DNAH14: variants seen among roughly 807,000 people sequenced by gnomAD.
DNAH14 encodes the protein axonemal beta dynein heavy chain 14.
A neutral mutation model predicts 520.9 loss-of-function variants in DNAH14; 478 were observed. The observed-to-expected ratio is 0.92, with a 90% CI of 0.85 to 0.99. DNAH14 has a LOEUF of 0.99. Ranked by LOEUF, DNAH14 falls within the 50% of genes least tolerant of loss-of-function variation. The probability of loss-of-function intolerance (pLI) is 0.00; values close to 1 mark genes in which losing one functional copy is unlikely to be tolerated. For synonymous variants in DNAH14, 1,581 were observed against 1,757.2 expected, an observed-to-expected ratio of 0.90 and a Z score of 2.51; for missense variants, 4,831 against 5,234.5, an observed-to-expected ratio of 0.92 and a Z score of 2.38.
chr1:225,004,344 A>G (rs2064000160), intron 9 of DNAH14, among the ~76,000 whole-genome samples: 1 of 152,208 alleles, frequency 6.6e-6, no homozygotes. Flanking sequence ...TACTTGTAAA[A>G]CAGTCATGTT....
Position 225,374,807 on chromosome 1 carries a change from G to T in DNAH14, c.12438G>T (p.Lys4146Asn). The T allele has an allele frequency of 1.3e-6, 2 of 1,551,630 alleles. No individual in the cohort carries two copies. The highest frequency in any genetic ancestry group is 1.7e-6 in the Non-Finnish European group (2 of 1,146,972). ...YGGRVIDNWD[K>N]RCLKTLLYKF... ...GCCGGGTGATTGATAATTGGGACAAGCGATGCTTGAAGACCCTACTCTACA... is the reference window on the plus strand; with the variant it reads ...GCCGGGTGATTGATAATTGGGACAATCGATGCTTGAAGACCCTACTCTACA... Residue 4146 changes from lysine (K) to asparagine (N), a missense_variant, in exon 78 of 86, where the codon AAG (lysine) becomes AAT (asparagine). Transcript: ENST00000682510.
Position 225,309,351 on chromosome 1 carries a change from C to G in DNAH14, c.9240+941C>G, listed in dbSNP as rs918564512. 2.9e-5 allele frequency among the ~76,000 whole-genome samples: 3 copies of G among 101,844 alleles called. No individual in the cohort carries two copies. In the Admixed American group the frequency reaches 3.6e-4, roughly 12 times the overall value. The allele number at this position is 101,844 out of a possible 152,430, so 66.8% of individuals were successfully genotyped here. On this transcript the variant is annotated intron_variant, in intron 60 of 85. Transcript: ENST00000682510. The stretch of plus-strand genomic sequence containing the variant: ...TTCTTTCAGACATCTTTTTAAGCTA[C>G]CTGCCCATGTTTTAGGAGCTGACAT...
chr1:225,097,792 A>T (rs565806982), intron 22 of DNAH14, among the ~76,000 whole-genome samples: 1 of 152,222 alleles, frequency 6.6e-6, no homozygotes, highest in African/African-American at 2.4e-5. Context: ...AAAGTGTCAG[A>T]TACATCATTA....
intron 41 of DNAH14, among the ~76,000 whole-genome samples, chr1:225,219,142 G>C (rs1325720922): frequency 6.6e-6 from 1 of 152,136 alleles, no homozygotes; most frequent in Admixed American, 6.6e-5. Context: ...CAGCCTACCA[G>C]AATCACTGGG....
At chr1:225,015,049 G>A (rs1000479401) in intron 10 of DNAH14, among the ~76,000 whole-genome samples, 5 of 152,046 alleles carry the variant, frequency 3.3e-5, no homozygotes, top group East Asian at 3.9e-4. Context: ...ATTATATAAT[G>A]TCCTCCATGT....
Position 225,361,978 on chromosome 1 carries a change from T to C in DNAH14, c.11987+1087T>C, listed in dbSNP as rs572058127. 3.9e-5 allele frequency among the ~76,000 whole-genome samples: 6 copies of C among 152,366 alleles called. No homozygotes were observed. The South Asian group carries it at 1.2e-3, about 32-fold the overall frequency. On this transcript the variant is annotated intron_variant, in intron 75 of 85. Coordinates refer to ENST00000682510, the MANE Select transcript of DNAH14 (RefSeq NM_001367479.1). ...TTACATGACTTTAATAGATATAAAC[T>C]TTCAAATTATTATTTCTGCCATGTC...
At chr1:225,385,850 G>C (rs991632279) in intron 81 of DNAH14, among the ~76,000 whole-genome samples, 12 of 152,076 alleles carry the variant, frequency 7.9e-5, no homozygotes, top group Non-Finnish European at 1.8e-4. Flanking sequence ...AGCTACCAAT[G>C]ACTTTCTTCA....
In DNAH14 at chr1:225,335,054, G is replaced by A. The variant is rs545533403; in HGVS notation, c.10080+1548G>A. Reference sequence around the variant, plus strand: ...TACATATATACACATATATACATATGTACATATATGTATATATAACGTACA... The same window carrying A: ...TACATATATACACATATATACATATATACATATATGTATATATAACGTACA... On this transcript the variant is annotated intron_variant, in intron 66 of 85. Transcript: ENST00000682510. Among the ~76,000 whole-genome samples the A allele has an allele frequency of 2.7e-5, 4 of 147,838 alleles. No homozygotes were observed. In the South Asian group the frequency reaches 8.5e-4, roughly 31 times the overall value.
chr1:225,024,932 A>G (rs1315364908), intron 11 of DNAH14, among the ~76,000 whole-genome samples: 1 of 152,092 alleles, frequency 6.6e-6, no homozygotes, highest in Non-Finnish European at 1.5e-5. Context: ...TTTTTATATG[A>G]TTTTTGTAGT....
intron 27 of DNAH14, among the ~76,000 whole-genome samples, chr1:225,128,527 A>C (rs1252708950): frequency 6.6e-6 from 1 of 151,992 alleles, no homozygotes; most frequent in African/African-American, 2.4e-5. Flanking sequence ...CAAATCAATA[A>C]ATGTAATCCA....
Position 225,338,140 on chromosome 1 carries a change from T to C in DNAH14, c.10391T>C (p.Ile3464Thr). 1 of 1,551,938 alleles carries C rather than the reference T, an allele frequency of 6.4e-7. No homozygotes were observed. The change falls in exon 68 of 86, where the codon ATA becomes ACA. Residue 3464 changes from isoleucine to threonine, a missense_variant. Ile to Thr is a moderately conservative substitution (Grantham distance 89, BLOSUM62 -1). Coordinates refer to ENST00000682510, the MANE Select transcript of DNAH14 (RefSeq NM_001367479.1). ...DIYQKKGHYFIRVGDAEFEYN... is the reference protein window; with the variant it reads ...DIYQKKGHYFTRVGDAEFEYN... ...TATCAGAAAAAAGGACACTATTTCA[T>C]AAGGGTTGGTGATGCTGAGTTCGAA...
At chr1:225,163,079 A>C (rs2081676294) in intron 35 of DNAH14, among the ~76,000 whole-genome samples, 3 of 142,564 alleles carry the variant, frequency 2.1e-5, no homozygotes, top group African/African-American at 7.8e-5. Flanking sequence ...CAGAGGTTGC[A>C]GTGAGCCAAG....
chr1:225,103,214 ATT>A (rs1001386646), intron 23 of DNAH14, among the ~76,000 whole-genome samples: 1 of 152,086 alleles, frequency 6.6e-6, no homozygotes, highest in Non-Finnish European at 1.5e-5. Flanking sequence ...ATGGGACATT[ATT>A]TCTGAGGGCT....
At chr1:225,074,819 T>A (rs1368798901) in intron 17 of DNAH14, among the ~76,000 whole-genome samples, 1 of 152,190 alleles carries the variant, frequency 6.6e-6, no homozygotes, top group South Asian at 2.1e-4. Context: ...CTGCCCCTCC[T>A]TCCAAGAGCT....
rs2059615800 is a variant in DNAH14 at position 224,944,009 on chromosome 1, G to T, written c.-33-8661G>T. ...GGAGAGTTCTGTAGATGTCTATTAG[G>T]TCCACTTGGTGCAGAGCTGAGTTCA... On this transcript the variant is annotated intron_variant, in intron 1 of 85. Transcript: ENST00000682510. Among the ~76,000 whole-genome samples the T allele has an allele frequency of 2.0e-5, 3 of 152,132 alleles. No individual in the cohort carries two copies. In the South Asian group the frequency reaches 6.2e-4, roughly 32 times the overall value.
chr1:225,051,573 T>A lies in DNAH14; in HGVS notation c.2202T>A (p.Ser734=). 1.3e-6 allele frequency: 2 copies of A among 1,550,990 alleles called. No individual in the cohort carries two copies. The highest frequency in any genetic ancestry group is 1.7e-6 in the Non-Finnish European group (2 of 1,146,526). The change falls in exon 17 of 86, where the codon TCT becomes TCA. Residue 734 remains serine, a synonymous_variant. Transcript: ENST00000682510. ...AAATCATGAGTATGAAAATATCATC[T>A]ATGGGAGAATTAACTTCAAAAGAAT... ...KAKIMSMKIS[S]MGELTSKEFE... is the part of the protein sequence containing the mutation.
intron 36 of DNAH14, among the ~76,000 whole-genome samples, chr1:225,184,383 G>C (rs2084415284): frequency 6.6e-6 from 1 of 152,166 alleles, no homozygotes; most frequent in Non-Finnish European, 1.5e-5. Context: ...ACTTTGGGAG[G>C]CAGAGGTGAG....
chr1:225,195,165 C>T (rs2085961864), intron 38 of DNAH14, among the ~76,000 whole-genome samples: 1 of 152,054 alleles, frequency 6.6e-6, no homozygotes, highest in Non-Finnish European at 1.5e-5. Flanking sequence ...GGCATATATG[C>T]CCAAATTAAC....
At chr1:225,212,151 T>C (rs1329101819) in intron 41 of DNAH14, among the ~76,000 whole-genome samples, 5 of 148,162 alleles carry the variant, frequency 3.4e-5, no homozygotes, top group Admixed American at 7.0e-5. Context: ...TGAGAACATG[T>C]GGTGTCTGGT....
Sources: gnomAD v4.1 joint callset for allele counts (sites outside exome capture counted in the v4.1 genomes callset) on GRCh38, gnomAD v4.1.1 for gene constraint, MANE v1.5 for transcripts, NCBI Gene and HGNC (gene_info 2026-07-23, HGNC 2026-07-21) for gene names.